Variants in CACNA1F observed in about 807,000 individuals in gnomAD.
CACNA1F encodes calcium voltage-gated channel subunit alpha1 F.
Under a neutral mutation model 143.8 loss-of-function variants are expected in CACNA1F, and 59 were observed. The observed-to-expected ratio is 0.41, with a 90% CI of 0.33 to 0.51. The LOEUF is 0.51. Ranked by LOEUF, CACNA1F falls within the 20% of genes least tolerant of loss-of-function variation. CACNA1F has a pLI of 0.22. For synonymous variants in CACNA1F, 643 were observed against 649.1 expected (o/e 0.99, Z 0.14); for missense variants, 1,411 against 1,647.5 (o/e 0.86, Z 2.48).
Position 49,228,264 on chromosome X carries a change from T to C in CACNA1F, c.1001A>G (p.Asp334Gly). 8.3e-7 allele frequency: 1 copy of C among 1,211,410 alleles called. No individual in the cohort carries two copies. Residue 334 changes from aspartate to glycine, a missense_variant, in exon 7 of 48, where the codon GAT (aspartate) becomes GGT (glycine). Coordinates refer to ENST00000323022, the MANE Select transcript of CACNA1F (RefSeq NM_001256789.3). Reference protein sequence around the residue: ...FQCVTMEGWTDVLYWMQDAMG... With the variant: ...FQCVTMEGWTGVLYWMQDAMG... ...AGTCCACCTCACCCAGTAGAGCACA[T>C]CGGTCCAGCCTTCCATGGTGACACA...
Position 49,208,534 on chromosome X carries a change from C to A in CACNA1F, c.5104G>T (p.Ala1702Ser). ...PTSSQPSVPQ[A>S]GSNTHRRGSG... ...TAATACCTGTGGGTGTTGGATCCAGCCTGGGGCACACTGGGCTGACTGGAG... is the reference window on the plus strand; with the variant it reads ...TAATACCTGTGGGTGTTGGATCCAGACTGGGGCACACTGGGCTGACTGGAG... Residue 1702 changes from alanine (A) to serine (S), a missense_variant, in exon 43 of 48, where the codon GCT (alanine) becomes TCT (serine). Around this residue, in one of 3 missense-constraint regions of CACNA1F, gnomAD observed 349 missense variants for 350.2 expected, o/e 1.00. Coordinates refer to ENST00000323022, the MANE Select transcript of CACNA1F (RefSeq NM_001256789.3). 1.7e-6 allele frequency: 2 copies of A among 1,208,892 alleles called. No homozygotes were observed. The highest frequency in any genetic ancestry group is 2.2e-6 in the Non-Finnish European group (2 of 894,160).
At chrX:49,231,032 A>T (rs1557111238) in intron 3 of CACNA1F, 43 bp from the exon 4 acceptor site, 1 of 1,077,841 alleles carries the variant, frequency 9.3e-7, no homozygotes, top group South Asian at 1.9e-5. Context: ...TCGAGGAGTT[A>T]TTTGAAGGCG....
Position 49,219,751 on chromosome X carries a change from T to C in CACNA1F, c.2426A>G (p.Glu809Gly). ...EEEEEEEEEE[E>G]EEEEEGAGGV... is the part of the protein sequence containing the mutation. ...CCCTGCACCCTCTTCCTCTTCTTCC[T>C]CTTCTTCCTCTTCTTCCTCCTCCTC... Residue 809 changes from glutamate (E) to glycine (G), a missense_variant, in exon 20 of 48, where the codon GAG (glutamate) becomes GGG (glycine). Coordinates refer to ENST00000323022, the MANE Select transcript of CACNA1F (RefSeq NM_001256789.3). 1 of 1,127,719 alleles carries C rather than the reference T, an allele frequency of 8.9e-7. No individual in the cohort carries two copies. The highest frequency in any genetic ancestry group is 1.2e-6 in the Non-Finnish European group (1 of 837,932). The allele number at this position is 1,127,719 out of a possible 1,213,427, so 92.9% of individuals were successfully genotyped here. A position where few individuals can be genotyped will look rare whatever the true frequency, so the allele number is the denominator to read the frequency against.
chrX:49,218,213 G>A (rs1287601985), intron 24 of CACNA1F, among the ~76,000 whole-genome samples: 1 of 112,267 alleles, frequency 8.9e-6, no homozygotes, highest in African/African-American at 3.2e-5. Flanking sequence ...TTTGCCGGGT[G>A]GGGATCTGTG....
At chrX:49,205,503 A>G (rs1557104620) in intron 47 of CACNA1F, 113 bp downstream of exon 47, 1 of 870,879 alleles carries the variant, frequency 1.1e-6, no homozygotes, top group Non-Finnish European at 1.7e-6. Flanking sequence ...CGTAGGGCAA[A>G]GGGATATCTA....
chrX:49,226,252 G>A lies in CACNA1F; in HGVS notation c.1464-9C>T. The A allele has an allele frequency of 8.3e-7, 1 of 1,203,687 alleles. No homozygotes were observed. On this transcript the variant is annotated splice_polypyrimidine_tract_variant and intron_variant, in intron 11 of 47. Coordinates refer to ENST00000323022, the MANE Select transcript of CACNA1F (RefSeq NM_001256789.3). ...TTTTCATGATCTTGTTTCTGAAAAA[G>A]AAGGGGGATGGGAGGTGTGTGTCGT...
chrX:49,207,417 C>G (rs1472295749), intron 43 of CACNA1F, among the ~76,000 whole-genome samples: 6 of 111,126 alleles, frequency 5.4e-5, no homozygotes, highest in Non-Finnish European at 1.1e-4. Context: ...AAGCTAGGCA[C>G]TTTATTTTTT....
At position 49,213,902 on chromosome X, in the gene CACNA1F, G is replaced by A; in HGVS notation, c.3709C>T (p.His1237Tyr). 1 of 1,181,379 alleles carries A rather than the reference G, an allele frequency of 8.5e-7. No individual in the cohort carries two copies. Among genetic ancestry groups the A allele is most frequent in the South Asian group, 1.8e-5 (1 of 55,575 alleles). ...GTGTTCCAGGCATCAGTGAAGTAAT[G>A]CTGCAAGTAGGAGAAAAGCAGTGCC... ...VLKIIAFKPK[H>Y]YFTDAWNTFD... Residue 1237 changes from histidine to tyrosine, a missense_variant and splice_region_variant, in exon 31 of 48, where the codon CAT becomes TAT. Coordinates refer to ENST00000323022, the MANE Select transcript of CACNA1F (RefSeq NM_001256789.3).
intron 14 of CACNA1F, among the ~76,000 whole-genome samples, chrX:49,223,515 C>A (rs2065793247): frequency 1.1e-5 from 1 of 91,616 alleles, no homozygotes. Context: ...AGAAGAATGG[C>A]GTGAACCCAG....
intron 2 of CACNA1F, 152 bp downstream of exon 2, chrX:49,231,526 C>T: frequency 1.3e-6 from 1 of 742,255 alleles, no homozygotes; most frequent in East Asian, 3.2e-5. Flanking sequence ...ACCCTGGTGA[C>T]CTTTGCCTTT....
chrX:49,233,199 G>A (rs2065893033), intron 1 of CACNA1F, 86 bp downstream of exon 1: 1 of 994,776 alleles, frequency 1.0e-6, no homozygotes, highest in Admixed American at 2.2e-5. Context: ...GAGGCTCTCT[G>A]GGGGTGGGGT....
intron 2 of CACNA1F, 105 bp from the exon 3 acceptor site, chrX:49,231,412 G>A: frequency 1.5e-6 from 1 of 665,826 alleles, no homozygotes. Context: ...AAGGTGACAG[G>A]TCCTGGCATT....
intron 26 of CACNA1F, among the ~76,000 whole-genome samples, chrX:49,216,898 T>G (rs2065722736): frequency 8.9e-6 from 1 of 111,934 alleles, no homozygotes; most frequent in Non-Finnish European, 1.9e-5. Context: ...CAACGTTTAT[T>G]AGCAGTAACT....
rs1557104660 is a variant in CACNA1F at position 49,205,610 on chromosome X, A to G, written c.5670+6T>C. 8.3e-7 allele frequency: 1 copy of G among 1,199,181 alleles called. No individual in the cohort carries two copies. The highest frequency in any genetic ancestry group is 1.1e-6 in the Non-Finnish European group (1 of 888,342). ...TCCGTCTTGTCTATATGCCCTCTGG[A>G]CTCACAGCCTCCACCAAGCTGTCGG... On this transcript the variant is annotated splice_donor_region_variant and intron_variant, in intron 47 of 47. Transcript: ENST00000323022.
rs1014570214 is a variant in CACNA1F, at chrX:49,220,535, G to A, written c.2335-11C>T. 8.4e-7 allele frequency: 1 copy of A among 1,191,522 alleles called. No homozygotes were observed. Among genetic ancestry groups the A allele is most frequent in the Non-Finnish European group, 1.1e-6 (1 of 877,749 alleles). ...CTCCACACCAGGCACCTGAGGACAG[G>A]AAGACGGGAGTCATCAATGGTGAGG... On this transcript the variant is annotated splice_polypyrimidine_tract_variant and intron_variant, in intron 18 of 47. Transcript: ENST00000323022.
rs199749384 is a variant in CACNA1F, at chrX:49,228,380, G to A, written c.885C>T (p.Asn295=). The part of the protein sequence containing the change: ...SSGSGRACTL[N]QTECRGRWPG... ...GCCAGCGCCCGCGGCACTCAGTCTG[G>A]TTCAGCGTGCACGCACGCCCTGATC... Residue 295 remains asparagine, a synonymous_variant, in exon 7 of 48, where the codon AAC becomes AAT. Transcript: ENST00000323022. The A allele has an allele frequency of 2.0e-4, 244 of 1,209,195 alleles. 1 individual carries two copies. The Admixed American group carries it at 5.0e-3, about 25-fold the overall frequency.
At position 49,233,311 on chromosome X, in the gene CACNA1F, T is replaced by C; in HGVS notation, c.-2A>G. The C allele has an allele frequency of 1.7e-6, 2 of 1,206,093 alleles. No homozygotes were observed. Among genetic ancestry groups the C allele is most frequent in the South Asian group, 3.5e-5 (2 of 56,846 alleles). On this transcript the variant is annotated 5_prime_UTR_variant, in exon 1 of 48. Transcript: ENST00000323022. ...TTTCCCGCCTTCAGATTCCGACATCTTTCTTTCGAGATTGAAGGGCCATCT... is the reference window on the plus strand; with the variant it reads ...TTTCCCGCCTTCAGATTCCGACATCCTTCTTTCGAGATTGAAGGGCCATCT...
chrX:49,222,869 G>A, intron 15 of CACNA1F, 31 bp from the exon 16 acceptor site: 1 of 1,210,945 alleles, frequency 8.3e-7, no homozygotes, highest in Non-Finnish European at 1.1e-6. Flanking sequence ...TGGAGCTCTT[G>A]GACCCCCTCC....
chrX:49,229,912 A>C (rs1323871646), intron 6 of CACNA1F, among the ~76,000 whole-genome samples: 2 of 112,024 alleles, frequency 1.8e-5, no homozygotes, highest in African/African-American at 6.5e-5. Flanking sequence ...GGCCTCCCAA[A>C]GTGCTGGGAT....
Sources: gnomAD v4.1 joint callset for allele counts (sites outside exome capture counted in the v4.1 genomes callset) on GRCh38, gnomAD v4.1.1 for gene constraint, gnomAD v4.1.1 regional missense constraint, MANE v1.5 for transcripts, NCBI Gene and HGNC (gene_info 2026-07-23, HGNC 2026-07-21) for gene names.